NALCN: variants seen among roughly 807,000 people sequenced by gnomAD.
NALCN encodes the protein sodium leak channel NALCN.
In NALCN, 111 loss-of-function variants were observed where a neutral mutation model predicts 225.3. The ratio of observed to expected loss-of-function variants is 0.49; its 90% CI spans 0.42 to 0.58. The LOEUF (loss-of-function observed/expected upper bound fraction) is 0.58, where lower values mean the gene tolerates loss of function less well. NALCN is among the 20% of genes least tolerant of loss of function. NALCN has a pLI of 0.00. For synonymous variants in NALCN, 764 were observed against 769.0 expected (o/e 0.99, Z 0.11); for missense variants, 1,378 against 2,202.4 (o/e 0.63, Z 7.49).
rs2139373977 is a variant in NALCN at position 101,363,954 on chromosome 13, A to G, written c.644+12746T>C. 2.0e-5 allele frequency among the ~76,000 whole-genome samples: 3 copies of G among 152,308 alleles called. No individual in the cohort carries two copies. In the East Asian group the frequency reaches 5.8e-4, roughly 29 times the overall value. ...ATAGACATTTCTCAAAAGAAGACATACAAATGGCAAGTAGGTATATAAAAA... is the reference window on the plus strand; with the variant it reads ...ATAGACATTTCTCAAAAGAAGACATGCAAATGGCAAGTAGGTATATAAAAA... On this transcript the variant is annotated intron_variant, in intron 6 of 43. Transcript: ENST00000251127.
intron 34 of NALCN, among the ~76,000 whole-genome samples, chr13:101,080,416 C>A (rs2033548328): frequency 6.6e-6 from 1 of 151,112 alleles, no homozygotes; most frequent in South Asian, 2.1e-4. Context: ...ATTGCTTACA[C>A]ATGAAAATAA....
chr13:101,382,150 C>T (rs2046867743), intron 3 of NALCN, among the ~76,000 whole-genome samples: 3 of 152,104 alleles, frequency 2.0e-5, no homozygotes. Context: ...AGCAGCACTA[C>T]AATTACCCTC....
intron 20 of NALCN, among the ~76,000 whole-genome samples, chr13:101,108,836 A>G (rs2035281343): frequency 6.6e-6 from 1 of 152,208 alleles, no homozygotes; most frequent in African/African-American, 2.4e-5. Context: ...ATCATTCAGA[A>G]TAAGTGAAAA....
chr13:101,272,325 C>T (rs990801312), intron 10 of NALCN, among the ~76,000 whole-genome samples: 4 of 152,128 alleles, frequency 2.6e-5, no homozygotes, highest in African/African-American at 9.7e-5. Flanking sequence ...GGGGAAGTAT[C>T]GTTTGACACC....
chr13:101,243,094 T>G lies in NALCN; in HGVS notation c.1267-5172A>C, dbSNP rs1387220190. On this transcript the variant is annotated intron_variant, in intron 11 of 43. Transcript: ENST00000251127. ...GCTCTTTCAGTTTGCAGATTTATGT[T>G]TTTTTTTTTTTTTCATTTATGTAAG... is the stretch of plus-strand genomic sequence containing the variant. Among the ~76,000 whole-genome samples, 3 of 32,136 alleles carry G rather than the reference T, an allele frequency of 9.3e-5. 1 individual carries two copies. In the Admixed American group the frequency reaches 1.1e-3, roughly 12 times the overall value. 21.1% of individuals were successfully genotyped at this position (32,136 alleles called of 152,430 possible).
At chr13:101,057,557 C>T (rs528236156) in intron 43 of NALCN, 355 of 229,482 alleles carry the variant, frequency 1.5e-3, no homozygotes, top group Non-Finnish European at 2.0e-3. Flanking sequence ...TTGAGAACTT[C>T]GTGGCATTTT....
intron 13 of NALCN, among the ~76,000 whole-genome samples, chr13:101,220,955 G>C (rs1436662084): frequency 1.3e-5 from 2 of 152,002 alleles, no homozygotes; most frequent in Non-Finnish European, 2.9e-5. Flanking sequence ...TTACATCTTG[G>C]TTGTGAAGAA....
intron 7 of NALCN, among the ~76,000 whole-genome samples, chr13:101,343,091 T>A (rs1050508079): frequency 1.3e-5 from 2 of 152,192 alleles, no homozygotes; most frequent in Non-Finnish European, 2.9e-5. Flanking sequence ...CATGAAGAGA[T>A]GATCACATGT....
At chr13:101,133,165 G>T (rs752549104) in intron 17 of NALCN, among the ~76,000 whole-genome samples, 2 of 152,146 alleles carry the variant, frequency 1.3e-5, no homozygotes, top group Non-Finnish European at 2.9e-5. Context: ...ATGCGGCAAT[G>T]CTTAGACCTA....
chr13:101,105,217 C>T (rs1833324296), intron 22 of NALCN, among the ~76,000 whole-genome samples: 2 of 152,278 alleles, frequency 1.3e-5, no homozygotes, highest in African/African-American at 4.8e-5. Context: ...TGACTTTGTT[C>T]AGAATTTTCT....
chr13:101,407,118 T>A (rs73566045), intron 1 of NALCN, among the ~76,000 whole-genome samples: 3,419 of 152,270 alleles, frequency 0.022, 113 homozygotes, highest in East Asian at 0.11. Flanking sequence ...CAGAACACAG[T>A]TGTTATGATT....
intron 6 of NALCN, among the ~76,000 whole-genome samples, chr13:101,361,935 G>C (rs985550203): frequency 1.3e-5 from 2 of 151,628 alleles, no homozygotes; most frequent in Admixed American, 6.6e-5. Flanking sequence ...TTGCTATTCT[G>C]GTAAAAATCA....
At chr13:101,084,025 C>T (rs1017464696) in intron 30 of NALCN, among the ~76,000 whole-genome samples, 1 of 152,070 alleles carries the variant, frequency 6.6e-6, no homozygotes, top group Admixed American at 6.5e-5. Context: ...ATTCAGCAGC[C>T]TTCGACTTGT....
At chr13:101,214,465 C>G (rs920431934) in intron 13 of NALCN, among the ~76,000 whole-genome samples, 1 of 151,648 alleles carries the variant, frequency 6.6e-6, no homozygotes, top group Non-Finnish European at 1.5e-5. Flanking sequence ...GTCTATCCAT[C>G]TGAGAGTCCA....
At position 101,361,367 on chromosome 13, in the gene NALCN, T is replaced by C. The variant is rs74117887; in HGVS notation, c.644+15333A>G. Among the ~76,000 whole-genome samples, 1,113 of 152,312 alleles carry C rather than the reference T, an allele frequency of 7.3e-3. 14 individuals are homozygous for C. The highest frequency in any genetic ancestry group is 0.025 in the African/African-American group (1,054 of 41,576). ...CACAGAGGATGTTCAGAAGTTCCAG[T>C]GCATGCCTTTAGAATTCAGTCTTAA... is the stretch of plus-strand genomic sequence containing the variant. On this transcript the variant is annotated intron_variant, in intron 6 of 43. Coordinates refer to ENST00000251127, the MANE Select transcript of NALCN (RefSeq NM_052867.4).
intron 17 of NALCN, among the ~76,000 whole-genome samples, chr13:101,142,130 T>G (rs2037112132): frequency 6.8e-6 from 1 of 146,388 alleles, no homozygotes; most frequent in Non-Finnish European, 1.5e-5. Context: ...AGATAATACA[T>G]TCTATGTCTT....
intron 11 of NALCN, among the ~76,000 whole-genome samples, chr13:101,251,386 C>G (rs771722878): frequency 3.3e-5 from 5 of 151,962 alleles, no homozygotes; most frequent in Non-Finnish European, 7.4e-5. Context: ...ATATAGTTCT[C>G]TGTGGATTAG....
At chr13:101,300,482 G>A (rs555256511) in intron 7 of NALCN, among the ~76,000 whole-genome samples, 25 of 140,896 alleles carry the variant, frequency 1.8e-4, no homozygotes, top group South Asian at 6.9e-4. Flanking sequence ...ATGGAGTCTC[G>A]CCCTGTCACC....
chr13:101,181,418 G>A (rs1263881921), intron 14 of NALCN: 1 of 482,980 alleles, frequency 2.1e-6, no homozygotes, highest in Non-Finnish European at 4.1e-6. Context: ...TTTTGTGTGT[G>A]TGTTTTTGTT....
Sources: allele counts gnomAD v4.1 joint callset (sites outside exome capture counted in the v4.1 genomes callset), GRCh38; gene constraint gnomAD v4.1.1; transcripts MANE v1.5; gene names NCBI Gene and HGNC (gene_info 2026-07-23, HGNC 2026-07-21).